Variants in CASK observed in about 807,000 individuals in gnomAD.
CASK encodes the protein calcium/calmodulin dependent serine protein kinase, also known as peripheral plasma membrane protein CASK.
CASK carries 4 observed loss-of-function variants against 82.9 expected under a neutral mutation model. The ratio of observed to expected loss-of-function variants is 0.05; its 90% CI spans 0.02 to 0.11. CASK has a LOEUF of 0.11. Ranked by LOEUF, CASK falls within the 10% of genes least tolerant of loss-of-function variation. The pLI is 1.00. For synonymous variants in CASK, 259 were observed against 253.5 expected (o/e 1.02, Z -0.20); for missense variants, 358 against 720.9 (o/e 0.50, Z 5.76).
At position 41,767,456 on chromosome X, in the gene CASK, T is replaced by C. The variant is rs183864463; in HGVS notation, c.278+19722A>G. Among the ~76,000 whole-genome samples the C allele has an allele frequency of 2.2e-3, 251 of 111,942 alleles. 1 individual carries two copies. Among genetic ancestry groups the C allele is most frequent in the African/African-American group, 7.7e-3 (238 of 30,872 alleles). Reference sequence around the variant, plus strand: ...CTAGTGTTATCATCTTAGGTAACTATAGTACACTTGTAAAAGCTAAGAGTA... The same window carrying C: ...CTAGTGTTATCATCTTAGGTAACTACAGTACACTTGTAAAAGCTAAGAGTA... On this transcript the variant is annotated intron_variant, in intron 3 of 26. Transcript: ENST00000378163.
chrX:41,713,637 G>A (rs1375835617), intron 5 of CASK, among the ~76,000 whole-genome samples: 3 of 112,060 alleles, frequency 2.7e-5, no homozygotes, highest in African/African-American at 9.7e-5. Context: ...AAGAGACTGG[G>A]GAAAGGCAGA....
At chrX:41,823,625 G>A (rs1211201238) in intron 2 of CASK, among the ~76,000 whole-genome samples, 1 of 111,469 alleles carries the variant, frequency 9.0e-6, no homozygotes, top group African/African-American at 3.3e-5. Context: ...AGACATTACA[G>A]TTGTTCCCTC....
chrX:41,879,691 A>AT (rs1164758317), intron 1 of CASK, among the ~76,000 whole-genome samples: 1 of 112,065 alleles, frequency 8.9e-6, no homozygotes, highest in African/African-American at 3.2e-5. Flanking sequence ...AAGCATTCAG[A>AT]TTAACAAAAA....
At chrX:41,713,782 A>G (rs1303529119) in intron 5 of CASK, among the ~76,000 whole-genome samples, 1 of 111,843 alleles carries the variant, frequency 8.9e-6, no homozygotes, top group Non-Finnish European at 1.9e-5. Context: ...TCATCTAAGC[A>G]GGGTAGAGTC....
At chrX:41,706,449 C>T (rs993389070) in intron 5 of CASK, among the ~76,000 whole-genome samples, 1 of 111,480 alleles carries the variant, frequency 9.0e-6, no homozygotes, top group Admixed American at 9.5e-5. Flanking sequence ...CTTTTAAGCT[C>T]TGGTATTGAA....
intron 1 of CASK, among the ~76,000 whole-genome samples, chrX:41,899,032 T>C (rs1324626352): frequency 1.8e-5 from 2 of 111,923 alleles, no homozygotes; most frequent in African/African-American, 6.5e-5. Context: ...GCTAGTATTA[T>C]TGTATTGCTA....
chrX:41,641,577 GT>G (rs1383340787), intron 8 of CASK, among the ~76,000 whole-genome samples: 1 of 111,378 alleles, frequency 9.0e-6, no homozygotes, highest in Admixed American at 9.5e-5. Flanking sequence ...TGTTAAATAG[GT>G]ATCATTTAAC....
intron 19 of CASK, chrX:41,556,113 C>G (rs1297402487): frequency 8.8e-6 from 1 of 113,362 alleles, no homozygotes; most frequent in African/African-American, 3.2e-5. Flanking sequence ...AGACAATTTT[C>G]TTTCATAATT....
intron 5 of CASK, among the ~76,000 whole-genome samples, chrX:41,716,954 C>T (rs183346266): frequency 4.2e-4 from 47 of 111,431 alleles, no homozygotes; most frequent in African/African-American, 1.4e-3. Context: ...TTGCCCCTGA[C>T]TGAAGTAAAC....
At chrX:41,819,182 G>C (rs2070479274) in intron 2 of CASK, among the ~76,000 whole-genome samples, 1 of 111,274 alleles carries the variant, frequency 9.0e-6, no homozygotes. Context: ...TCAATATTAA[G>C]AACTTCTGCT....
chrX:41,559,011 C>T (rs144417888), intron 18 of CASK: 128 of 111,962 alleles, frequency 1.1e-3, no homozygotes, highest in African/African-American at 4.0e-3. Context: ...CAATAAATAA[C>T]ACTCGAGCTG....
At chrX:41,784,784 G>A (rs1364505240) in intron 3 of CASK, among the ~76,000 whole-genome samples, 3 of 109,796 alleles carry the variant, frequency 2.7e-5, no homozygotes, top group Non-Finnish European at 3.8e-5. Flanking sequence ...GCTGAGGCAG[G>A]AGAATTGCTT....
intron 9 of CASK, among the ~76,000 whole-genome samples, chrX:41,631,814 T>C (rs994568498): frequency 1.2e-4 from 14 of 112,134 alleles, no homozygotes; most frequent in African/African-American, 4.2e-4. Flanking sequence ...AATTGATTTG[T>C]AAAATCAATA....
At chrX:41,676,482 C>A (rs2067267059) in intron 5 of CASK, 2 of 1,194,022 alleles carry the variant, frequency 1.7e-6, no homozygotes, top group Non-Finnish European at 2.2e-6. Context: ...TGAACCAGCT[C>A]ATTTTTATCC....
At chrX:41,859,243 T>C (rs1309652692) in intron 1 of CASK, among the ~76,000 whole-genome samples, 1 of 111,383 alleles carries the variant, frequency 9.0e-6, no homozygotes, top group Non-Finnish European at 1.9e-5. Context: ...AAGACAAAGA[T>C]GGGGAAAGTG....
At chrX:41,520,645 A>G (rs777311014) in intron 26 of CASK, 49 bp from the exon 27 acceptor site, 35 of 992,334 alleles carry the variant, frequency 3.5e-5, no homozygotes, top group Non-Finnish European at 4.5e-5. Flanking sequence ...AGGAGGGAAA[A>G]GCAAACAGAA....
chrX:41,783,582 C>T (rs919570199), intron 3 of CASK, among the ~76,000 whole-genome samples: 4 of 109,376 alleles, frequency 3.7e-5, no homozygotes, highest in Non-Finnish European at 7.6e-5. Context: ...ATTACAATAT[C>T]TTAAAATTAG....
chrX:41,817,465 T>C (rs1183827758), intron 2 of CASK, among the ~76,000 whole-genome samples: 1 of 111,796 alleles, frequency 8.9e-6, no homozygotes, highest in Non-Finnish European at 1.9e-5. Flanking sequence ...AACTGACATA[T>C]AATCATCCAT....
chrX:41,869,247 TA>T (rs760701528), intron 1 of CASK, among the ~76,000 whole-genome samples: 1 of 111,605 alleles, frequency 9.0e-6, no homozygotes, highest in Non-Finnish European at 1.9e-5. Flanking sequence ...GTCCATTTGA[TA>T]AACCAACCTC....
Sources: gnomAD v4.1 joint callset for allele counts (sites outside exome capture counted in the v4.1 genomes callset) on GRCh38, gnomAD v4.1.1 for gene constraint, MANE v1.5 for transcripts, NCBI Gene and HGNC (gene_info 2026-07-23, HGNC 2026-07-21) for gene names.